The following LARS2 variants were observed in gnomAD, a reference collection of about 807,000 sequenced individuals.
The protein encoded by LARS2 is leucyl-tRNA synthetase 2, mitochondrial, also known as leucine--tRNA ligase, mitochondrial.
A neutral mutation model predicts 116.6 loss-of-function variants in LARS2; 81 were observed. The observed-to-expected ratio is 0.69, with a 90% CI of 0.58 to 0.84. LARS2 has a LOEUF of 0.84. Among genes scored for constraint, LARS2 ranks in the 40% least tolerant of loss-of-function variants. LARS2 has a pLI of 0.00. For missense variants in LARS2, 968 were observed against 1,114.5 expected, an observed-to-expected ratio of 0.87 and a Z score of 1.87; for synonymous variants, 396 against 407.2, an observed-to-expected ratio of 0.97 and a Z score of 0.33.
At chr3:45,504,388 G>A (rs533720979) in intron 15 of LARS2, among the ~76,000 whole-genome samples, 73 of 151,940 alleles carry the variant, frequency 4.8e-4, no homozygotes, top group African/African-American at 1.5e-3. Flanking sequence ...CTTAACCCTC[G>A]GACCAGATGG....
chr3:45,459,172 T>A (rs1263565298), intron 8 of LARS2, among the ~76,000 whole-genome samples: 1 of 152,040 alleles, frequency 6.6e-6, no homozygotes, highest in Admixed American at 6.6e-5. Flanking sequence ...CATAATTATA[T>A]CAGTGATAAA....
intron 6 of LARS2, among the ~76,000 whole-genome samples, chr3:45,426,427 G>T (rs1698595950): frequency 6.6e-6 from 1 of 152,196 alleles, no homozygotes; most frequent in African/African-American, 2.4e-5. Context: ...TTGTCTAGCA[G>T]ATCTCCGGCT....
At chr3:45,526,639 A>C (rs1700535534) in intron 20 of LARS2, among the ~76,000 whole-genome samples, 1 of 152,118 alleles carries the variant, frequency 6.6e-6, no homozygotes, top group Non-Finnish European at 1.5e-5. Flanking sequence ...GAGATTTTGC[A>C]ATGGTGACTC....
At chr3:45,395,029 G>A (rs1469598153) in intron 3 of LARS2, among the ~76,000 whole-genome samples, 8 of 152,262 alleles carry the variant, frequency 5.3e-5, no homozygotes, top group African/African-American at 1.9e-4. Context: ...CATTTACTGG[G>A]GAAGCTCATC....
In LARS2 at chr3:45,400,298, G is replaced by A. The variant is rs1698121872; in HGVS notation, c.288G>A (p.Lys96=). 6.2e-7 allele frequency: 1 copy of A among 1,613,840 alleles called. No homozygotes were observed. The highest frequency in any genetic ancestry group is 1.6e-4 in the Middle Eastern group (1 of 6,062). Residue 96 remains lysine (K), a synonymous_variant, in exon 4 of 22, where the codon AAG becomes AAA. Transcript: ENST00000645846. ...CCATGTTCCCTTATCCTTCTGGTAA[G>A]CTGCACATGGGCCATGTGCGTGTCT... is the stretch of plus-strand genomic sequence containing the variant. ...VLSMFPYPSG[K]LHMGHVRVYT...
chr3:45,493,805 A>C (rs368730994), intron 13 of LARS2, among the ~76,000 whole-genome samples: 1 of 152,096 alleles, frequency 6.6e-6, no homozygotes, highest in African/African-American at 2.4e-5. Context: ...GCAATAAAAC[A>C]TGTTAGTTGC....
intron 14 of LARS2, among the ~76,000 whole-genome samples, chr3:45,498,248 C>T (rs927925206): frequency 6.6e-6 from 1 of 152,234 alleles, no homozygotes; most frequent in Non-Finnish European, 1.5e-5. Context: ...GCAGTGAGCA[C>T]TTCATTTCCC....
In LARS2 at chr3:45,547,522, C is replaced by T; in HGVS notation, c.2704C>T (p.Gln902Ter). 6.2e-7 allele frequency: 1 copy of T among 1,600,966 alleles called. No homozygotes were observed. Among genetic ancestry groups the T allele is most frequent in the Non-Finnish European group, 8.5e-7 (1 of 1,174,820 alleles). Residue 902 changes from glutamine to a stop codon, truncating the protein, a stop_gained, in exon 22 of 22, where the codon CAA (glutamine) becomes TAA (stop). Transcript: ENST00000645846. LOFTEE classifies it high-confidence loss of function. ...PRTALINFLV[Q>*]D Reference sequence around the variant, plus strand: ...AACTGCCCTCATCAACTTCCTGGTGCAAGATTGACAGCCAGGAGGCTGCAG... The same window carrying T: ...AACTGCCCTCATCAACTTCCTGGTGTAAGATTGACAGCCAGGAGGCTGCAG...
intron 3 of LARS2, among the ~76,000 whole-genome samples, chr3:45,399,801 CCCCCAAAGT>C (rs1329980116): frequency 8.6e-5 from 13 of 151,882 alleles, no homozygotes; most frequent in African/African-American, 2.9e-4. Flanking sequence ...TTCCACCCTT[CCCCCAAAGT>C]CCCCAAAGTC....
At chr3:45,415,860 A>AAATATATAT (rs1553627793) in intron 4 of LARS2, among the ~76,000 whole-genome samples, 1 of 92,742 alleles carries the variant, frequency 1.1e-5, no homozygotes, top group African/African-American at 5.0e-5. Flanking sequence ...AAAAAAAAAA[A>AAATATATAT]ATATATATAT....
chr3:45,491,064 G>C (rs1437723375), intron 12 of LARS2, among the ~76,000 whole-genome samples: 2 of 152,032 alleles, frequency 1.3e-5, no homozygotes, highest in South Asian at 4.1e-4. Flanking sequence ...AATCCATATC[G>C]TGCAGTTCTG....
At chr3:45,488,188 C>T (rs1240729992) in intron 11 of LARS2, among the ~76,000 whole-genome samples, 1 of 152,016 alleles carries the variant, frequency 6.6e-6, no homozygotes, top group Non-Finnish European at 1.5e-5. Flanking sequence ...AATCCCAGCA[C>T]TTTGGGAGGG....
Position 45,496,355 on chromosome 3 carries a change from A to C in LARS2, c.1604A>C (p.Asp535Ala). The change falls in exon 14 of 22, where the codon GAC becomes GCC. Residue 535 changes from aspartate (D) to alanine (A), a missense_variant. Coordinates refer to ENST00000645846, the MANE Select transcript of LARS2 (RefSeq NM_015340.4). ...GCTTGGTACTACTTCAGATACACTG[A>C]CCCTCATAATCCACACAGGTAAAAC... ...DSAWYYFRYT[D>A]PHNPHSPFNT... is the part of the protein sequence containing the mutation. 1 of 1,613,490 alleles carries C rather than the reference A, an allele frequency of 6.2e-7. No homozygotes were observed. The highest frequency in any genetic ancestry group is 2.2e-5 in the East Asian group (1 of 44,872).
At chr3:45,538,622 C>G (rs1700746635) in intron 20 of LARS2, among the ~76,000 whole-genome samples, 1 of 152,252 alleles carries the variant, frequency 6.6e-6, no homozygotes, top group Non-Finnish European at 1.5e-5. Context: ...CAGCAGGAAT[C>G]TGTCTTTCAT....
chr3:45,516,995 G>A (rs1700377850), intron 17 of LARS2, among the ~76,000 whole-genome samples: 1 of 152,222 alleles, frequency 6.6e-6, no homozygotes, highest in South Asian at 2.1e-4. Flanking sequence ...TCAGATGCCT[G>A]GAAACTTGAG....
chr3:45,452,383 TA>T (rs1699148462), intron 7 of LARS2, among the ~76,000 whole-genome samples: 1 of 133,322 alleles, frequency 7.5e-6, no homozygotes. Context: ...TTTGTTGAGG[TA>T]TTTTTTTTTT....
intron 7 of LARS2, among the ~76,000 whole-genome samples, chr3:45,450,904 G>A (rs568502631): frequency 9.2e-5 from 14 of 152,106 alleles, no homozygotes; most frequent in South Asian, 8.3e-4. Context: ...ATTATGTTTC[G>A]TTGTGGTTTT....
At chr3:45,521,519 C>A (rs1357558020) in intron 19 of LARS2, among the ~76,000 whole-genome samples, 2 of 152,034 alleles carry the variant, frequency 1.3e-5, no homozygotes, top group Non-Finnish European at 2.9e-5. Flanking sequence ...AATTTGACTA[C>A]ATAAAACTTG....
intron 6 of LARS2, among the ~76,000 whole-genome samples, chr3:45,443,676 G>C (rs1376232003): frequency 1.3e-5 from 2 of 152,142 alleles, no homozygotes; most frequent in Non-Finnish European, 2.9e-5. Context: ...CAGTACGACG[G>C]AACTTATGAG....
Sources: allele counts gnomAD v4.1 joint callset (sites outside exome capture counted in the v4.1 genomes callset), GRCh38; gene constraint gnomAD v4.1.1; transcripts MANE v1.5; gene names NCBI Gene and HGNC (gene_info 2026-07-23, HGNC 2026-07-21).